Variants in NRXN1 observed in about 807,000 individuals in gnomAD.
The protein encoded by NRXN1 is neurexin-1.
In NRXN1, 39 loss-of-function variants were observed where a neutral mutation model predicts 150.9. The ratio of observed to expected loss-of-function variants is 0.26; its 90% CI spans 0.20 to 0.34. NRXN1 has a LOEUF of 0.34. Ranked by LOEUF, NRXN1 falls within the 10% of genes least tolerant of loss-of-function variation. The pLI is 1.00. For missense variants in NRXN1, 1,815 were observed against 1,949.9 expected (o/e 0.93, Z 1.30); for synonymous variants, 924 against 757.0 (o/e 1.22, Z -3.62).
chr2:50,712,415 A>G (rs996098053), intron 5 of NRXN1, among the ~76,000 whole-genome samples: 8 of 152,172 alleles, frequency 5.3e-5, no homozygotes, highest in Non-Finnish European at 1.2e-4. Context: ...CCTTTCACCA[A>G]GCTCTCCTGT....
intron 21 of NRXN1, among the ~76,000 whole-genome samples, chr2:50,043,399 C>A (rs769201739): frequency 2.0e-5 from 3 of 152,112 alleles, no homozygotes; most frequent in Non-Finnish European, 2.9e-5. Context: ...GAAACATTAC[C>A]AACTGCTAGT....
chr2:50,615,010 C>G (rs890392278), intron 8 of NRXN1, among the ~76,000 whole-genome samples: 1 of 152,102 alleles, frequency 6.6e-6, no homozygotes, highest in African/African-American at 2.4e-5. Context: ...GGAAAGGAAT[C>G]AAGCATTTTC....
intron 18 of NRXN1, among the ~76,000 whole-genome samples, chr2:50,220,889 A>T (rs2063832306): frequency 6.6e-6 from 1 of 152,030 alleles, no homozygotes; most frequent in Admixed American, 6.6e-5. Flanking sequence ...ATTGCTAGTT[A>T]TGCAAGGTAA....
chr2:50,981,076 T>C (rs1450572024), intron 2 of NRXN1, among the ~76,000 whole-genome samples: 1 of 152,080 alleles, frequency 6.6e-6, no homozygotes, highest in Non-Finnish European at 1.5e-5. Flanking sequence ...ACCTATAATG[T>C]AAGGTCCAAG....
rs370973109 is a variant in NRXN1, at chr2:50,111,534, G to A, written c.3547-20040C>T. Among the ~76,000 whole-genome samples, 12 of 151,936 alleles carry A rather than the reference G, an allele frequency of 7.9e-5. No homozygotes were observed. The East Asian group carries it at 1.2e-3, about 15-fold the overall frequency. ...TGCACCTGTAATTCCAGCTACTCTG[G>A]GGACTGAAGCAGGAGAATAGCTATA... On this transcript the variant is annotated intron_variant, in intron 18 of 22. Coordinates refer to ENST00000401669, the MANE Select transcript of NRXN1 (RefSeq NM_001330078.2).
chr2:50,976,198 T>C (rs1695804870), intron 2 of NRXN1, among the ~76,000 whole-genome samples: 1 of 151,532 alleles, frequency 6.6e-6, no homozygotes, highest in Admixed American at 6.6e-5. Context: ...GTTATTCTTT[T>C]TTTTTTTTTT....
chr2:50,362,009 T>C (rs1452533282), intron 17 of NRXN1, among the ~76,000 whole-genome samples: 1 of 152,250 alleles, frequency 6.6e-6, no homozygotes, highest in East Asian at 1.9e-4. Context: ...CACATGATTA[T>C]CTCAATAGAT....
chr2:50,032,903 T>A (rs1689392495), intron 21 of NRXN1, among the ~76,000 whole-genome samples: 1 of 151,670 alleles, frequency 6.6e-6, no homozygotes, highest in Non-Finnish European at 1.5e-5. Flanking sequence ...TTTAAGCTAC[T>A]CAGTCTGCAG....
rs932996698 is a variant in NRXN1, at chr2:50,252,617, C to G, written c.3365-15647G>C. Among the ~76,000 whole-genome samples the G allele has an allele frequency of 7.8e-4, 119 of 152,086 alleles. 6 individuals are homozygous for G. The highest frequency in any genetic ancestry group is 2.9e-5 in the Non-Finnish European group (2 of 68,026). The stretch of plus-strand genomic sequence containing the variant: ...TTGTATAAGGTGTAAGTACGGGGTC[C>G]AGTTTCCATTTTCTGTATATGGCTA... On this transcript the variant is annotated intron_variant, in intron 17 of 22. Transcript: ENST00000401669.
At chr2:50,524,187 G>A (rs1352598725) in intron 12 of NRXN1, among the ~76,000 whole-genome samples, 1 of 151,986 alleles carries the variant, frequency 6.6e-6, no homozygotes, top group Non-Finnish European at 1.5e-5. Flanking sequence ...GGATGCAGAA[G>A]TGTCCCTGAG....
At chr2:49,997,211 A>C (rs564356311) in intron 21 of NRXN1, among the ~76,000 whole-genome samples, 1 of 152,260 alleles carries the variant, frequency 6.6e-6, no homozygotes, top group South Asian at 2.1e-4. Flanking sequence ...ATAAGAGCGC[A>C]TATCTCTTGG....
At chr2:50,589,833 G>A (rs1673824448) in intron 8 of NRXN1, among the ~76,000 whole-genome samples, 1 of 152,188 alleles carries the variant, frequency 6.6e-6, no homozygotes, top group African/African-American at 2.4e-5. Context: ...CCTATGATTT[G>A]CCTGAAAATA....
At chr2:49,979,896 TG>T (rs1303896724) in intron 21 of NRXN1, among the ~76,000 whole-genome samples, 27 of 113,866 alleles carry the variant, frequency 2.4e-4, no homozygotes, top group Non-Finnish European at 4.3e-4. Context: ...AGTCTTATAT[TG>T]TTTTTTTGGT....
At chr2:50,051,763 AG>A (rs1692744494) in intron 21 of NRXN1, among the ~76,000 whole-genome samples, 1 of 152,104 alleles carries the variant, frequency 6.6e-6, no homozygotes, top group Admixed American at 6.6e-5. Context: ...ATATTCTTTG[AG>A]GGCAGGGGTT....
At chr2:50,938,248 T>A (rs1209531564) in intron 2 of NRXN1, among the ~76,000 whole-genome samples, 1 of 152,112 alleles carries the variant, frequency 6.6e-6, no homozygotes, top group Non-Finnish European at 1.5e-5. Context: ...ACTAAATTTA[T>A]AAAAAATGAA....
rs201349397 is a variant in NRXN1 at position 51,027,548 on chromosome 2, C to T, written c.726G>A (p.Val242=). 4.8e-5 allele frequency: 77 copies of T among 1,588,742 alleles called. No individual in the cohort carries two copies. The highest frequency in any genetic ancestry group is 6.3e-5 in the Non-Finnish European group (73 of 1,163,572). ...GVCSVVDDQA[V]CDCSRTGFRG... Reference sequence around the variant, plus strand: ...GGAAGCCGGTTCGCGAGCAGTCGCACACGGCCTGGTCGTCCACCACGGAGC... The same window carrying T: ...GGAAGCCGGTTCGCGAGCAGTCGCATACGGCCTGGTCGTCCACCACGGAGC... Residue 242 remains valine (V), a synonymous_variant, in exon 2 of 23, where the codon GTG becomes GTA. Coordinates refer to ENST00000401669, the MANE Select transcript of NRXN1 (RefSeq NM_001330078.2).
rs200074974 is a variant in NRXN1, at chr2:50,538,451, T to C, written c.1945A>G (p.Ile649Val). ...CGGATATCTTTGCTTTGGCCATCGA[T>C]GAACAAATCCCTGATGCAGCCCACG... Reference protein sequence around the residue: ...GYVGCIRDLFIDGQSKDIRQM... With the variant: ...GYVGCIRDLFVDGQSKDIRQM... The change falls in exon 10 of 23, where the codon ATC becomes GTC. Residue 649 changes from isoleucine to valine, a missense_variant. Ile to Val is a conservative substitution (Grantham distance 29). Around this residue, in one of 6 missense-constraint regions of NRXN1, gnomAD observed 638 missense variants for 652.6 expected, o/e 0.98. Transcript: ENST00000401669. 1,055 of 1,613,932 alleles carry C rather than the reference T, an allele frequency of 6.5e-4. No individual in the cohort carries two copies. Among genetic ancestry groups the C allele is most frequent in the Non-Finnish European group, 8.3e-4 (978 of 1,179,866 alleles).
chr2:50,853,734 C>G (rs895339233), intron 5 of NRXN1, among the ~76,000 whole-genome samples: 2 of 152,034 alleles, frequency 1.3e-5, no homozygotes, highest in African/African-American at 2.4e-5. Context: ...AAGAGGTTCC[C>G]TATACAAATT....
chr2:50,080,780 T>G (rs375096891), intron 19 of NRXN1, among the ~76,000 whole-genome samples: 1 of 152,106 alleles, frequency 6.6e-6, no homozygotes, highest in African/African-American at 2.4e-5. Flanking sequence ...TCTGAGCTAG[T>G]AAAGGCTACA....
Sources: gnomAD v4.1 joint callset for allele counts (sites outside exome capture counted in the v4.1 genomes callset) on GRCh38, gnomAD v4.1.1 for gene constraint, gnomAD v4.1.1 regional missense constraint, MANE v1.5 for transcripts, NCBI Gene and HGNC (gene_info 2026-07-23, HGNC 2026-07-21) for gene names.